Variants in RIN3 observed in about 807,000 individuals in gnomAD.
RIN3 encodes the protein Ras and Rab interactor 3, also known as RAB5 interacting protein 3.
In RIN3, 54 loss-of-function variants were observed where a neutral mutation model predicts 76.3. That is an observed-to-expected ratio of 0.71 (90% confidence interval 0.57 to 0.89). The LOEUF (loss-of-function observed/expected upper bound fraction) is 0.89, where lower values mean the gene tolerates loss of function less well. Among genes scored for constraint, RIN3 ranks in the 40% least tolerant of loss-of-function variants. The pLI, the probability that RIN3 is intolerant of heterozygous loss-of-function variation, is 0.00. For synonymous variants in RIN3, 576 were observed against 564.0 expected, an observed-to-expected ratio of 1.02 and a Z score of -0.30; for missense variants, 1,256 against 1,322.1, an observed-to-expected ratio of 0.95 and a Z score of 0.78.
At chr14:92,650,607 T>A (rs1204491764) in intron 5 of RIN3, among the ~76,000 whole-genome samples, 4 of 152,246 alleles carry the variant, frequency 2.6e-5, no homozygotes, top group Non-Finnish European at 5.9e-5. Flanking sequence ...CCTAGCAGGC[T>A]GAACAAGACC....
chr14:92,522,583 A>G lies in RIN3; in HGVS notation c.44+8607A>G, dbSNP rs900028244. Among the ~76,000 whole-genome samples the G allele has an allele frequency of 5.9e-5, 9 of 152,164 alleles. 1 individual carries two copies. In the East Asian group the frequency reaches 1.2e-3, roughly 20 times the overall value. On this transcript the variant is annotated intron_variant, in intron 1 of 9. Coordinates refer to ENST00000216487, the MANE Select transcript of RIN3 (RefSeq NM_024832.5). The stretch of plus-strand genomic sequence containing the variant: ...TCATATTATGATCATTTTAATGGTC[A>G]GAGTTATTTCATGTGTCTATCTTGA...
intron 2 of RIN3, among the ~76,000 whole-genome samples, chr14:92,576,849 A>C (rs1898255253): frequency 6.6e-6 from 1 of 152,060 alleles, no homozygotes; most frequent in Non-Finnish European, 1.5e-5. Flanking sequence ...TTATTTTTTC[A>C]GGGGAAAAAA....
intron 3 of RIN3, among the ~76,000 whole-genome samples, chr14:92,606,087 C>G (rs755599665): frequency 6.7e-5 from 10 of 149,770 alleles, no homozygotes; most frequent in Non-Finnish European, 1.2e-4. Flanking sequence ...GAGAGCATCC[C>G]TTGAGCCCTA....
chr14:92,627,285 C>T (rs1300324842), intron 4 of RIN3, among the ~76,000 whole-genome samples: 3 of 152,200 alleles, frequency 2.0e-5, no homozygotes, highest in Non-Finnish European at 4.4e-5. Flanking sequence ...AGGTTTCTTG[C>T]ACTCCTTTCC....
At chr14:92,682,814 G>A (rs1770532635) in intron 8 of RIN3, among the ~76,000 whole-genome samples, 1 of 152,180 alleles carries the variant, frequency 6.6e-6, no homozygotes, top group Admixed American at 6.5e-5. Context: ...AGTTCAATTA[G>A]GTAGAAGGGG....
intron 6 of RIN3, among the ~76,000 whole-genome samples, chr14:92,658,624 AGAT>A (rs752955651): frequency 1.4e-4 from 22 of 152,190 alleles, no homozygotes; most frequent in Admixed American, 5.2e-4. Context: ...CCTGGGCAAG[AGAT>A]GATGGTGGTA....
At chr14:92,629,380 C>G (rs1414380667) in intron 4 of RIN3, among the ~76,000 whole-genome samples, 3 of 152,244 alleles carry the variant, frequency 2.0e-5, no homozygotes, top group African/African-American at 7.2e-5. Context: ...TGAAAGTACA[C>G]TCCACAGTGT....
intron 9 of RIN3, 173 bp from the exon 10 acceptor site, chr14:92,687,753 G>T: frequency 1.7e-6 from 1 of 575,986 alleles, no homozygotes; most frequent in Non-Finnish European, 2.9e-6. Flanking sequence ...AGGCAGGGAG[G>T]GGGACGGGCC....
At chr14:92,545,789 T>A (rs1282486187) in intron 1 of RIN3, among the ~76,000 whole-genome samples, 1 of 151,992 alleles carries the variant, frequency 6.6e-6, no homozygotes, top group East Asian at 1.9e-4. Context: ...TGCAGACATT[T>A]TATCTCTTTA....
intron 4 of RIN3, among the ~76,000 whole-genome samples, chr14:92,637,888 C>A (rs1437775630): frequency 6.6e-6 from 1 of 152,184 alleles, no homozygotes; most frequent in African/African-American, 2.4e-5. Context: ...CAGAAACTTA[C>A]TACTGGCTGG....
chr14:92,667,717 C>G (rs1888159033), intron 7 of RIN3, among the ~76,000 whole-genome samples: 1 of 152,174 alleles, frequency 6.6e-6, no homozygotes, highest in Admixed American at 6.5e-5. Flanking sequence ...CCTCTCATCT[C>G]TAACTCAATA....
chr14:92,582,728 C>T (rs1311004863), intron 3 of RIN3, among the ~76,000 whole-genome samples: 1 of 152,194 alleles, frequency 6.6e-6, no homozygotes, highest in African/African-American at 2.4e-5. Context: ...GTTGGGATTA[C>T]AGGCGTGAGC....
At chr14:92,551,227 G>T (rs530236041) in intron 1 of RIN3, among the ~76,000 whole-genome samples, 10 of 152,102 alleles carry the variant, frequency 6.6e-5, no homozygotes, top group African/African-American at 2.4e-4. Context: ...TTTTGCATTT[G>T]GCTTCCTTGA....
rs1461986249 is a variant in RIN3 at position 92,561,042 on chromosome 14, A to ATATATATATATAT, written c.249+5087_249+5088insTATATATATATAT. 6.7e-3 allele frequency among the ~76,000 whole-genome samples: 130 copies of ATATATATATATAT among 19,328 alleles called. 9 individuals carry two copies. Among genetic ancestry groups the ATATATATATATAT allele is most frequent in the African/African-American group, 0.02 (120 of 5,942 alleles). 12.7% of individuals were successfully genotyped at this position (19,328 alleles called of 152,430 possible). A position where few individuals can be genotyped will look rare whatever the true frequency, so the allele number is the denominator to read the frequency against. On this transcript the variant is annotated intron_variant, in intron 2 of 9. Coordinates refer to ENST00000216487, the MANE Select transcript of RIN3 (RefSeq NM_024832.5). The stretch of plus-strand genomic sequence containing the variant: ...GTCTAAAAAAAAAAAAAAAAAAAAA[A>ATATATATATATAT]AAATATATATATATCTGCCATATAT...
At chr14:92,612,361 A>G (rs2181380) in intron 3 of RIN3, among the ~76,000 whole-genome samples, 150,244 of 152,294 alleles carry the variant, frequency 0.99, 74,134 homozygotes, top group Middle Eastern at 1. Flanking sequence ...TTTGTCTTGT[A>G]CCAATCTGCA....
chr14:92,515,179 T>G (rs963318586), intron 1 of RIN3: 2 of 689,728 alleles, frequency 2.9e-6, no homozygotes, highest in African/African-American at 1.8e-5. Flanking sequence ...AAATTCTGGA[T>G]GCTGGTTTCT....
chr14:92,651,837 C>A lies in RIN3; in HGVS notation c.788C>A (p.Pro263Gln). The A allele has an allele frequency of 6.2e-7, 1 of 1,611,996 alleles. No individual in the cohort carries two copies. Among genetic ancestry groups the A allele is most frequent in the Non-Finnish European group, 8.5e-7 (1 of 1,178,596 alleles). ...GGAAATTGCCCTGCACGCCCTTTGC[C>A]GCCCACCTCTGATGCCACCTCACCC... ...PLGNCPARPL[P>Q]PTSDATSPTS... The change falls in exon 6 of 10, where the codon CCG (proline) becomes CAG (glutamine). Residue 263 changes from proline to glutamine, a missense_variant. Coordinates refer to ENST00000216487, the MANE Select transcript of RIN3 (RefSeq NM_024832.5).
In RIN3 at chr14:92,518,789, C is replaced by CTGTGTGTGTGTGTA. The variant is rs1555379429; in HGVS notation, c.44+4826_44+4827insATGTGTGTGTGTGT. Among the ~76,000 whole-genome samples, 9 of 128,418 alleles carry CTGTGTGTGTGTGTA rather than the reference C, an allele frequency of 7.0e-5. No homozygotes were observed. In the East Asian group the frequency reaches 2.1e-3, roughly 30 times the overall value. 84.2% of individuals were successfully genotyped at this position (128,418 alleles called of 152,430 possible). On this transcript the variant is annotated intron_variant, in intron 1 of 9. Coordinates refer to ENST00000216487, the MANE Select transcript of RIN3 (RefSeq NM_024832.5). ...GAGAAACTGGGAAAATAAGGGTGGCCTGTGTGTGTGTGTGTGTGTGTGTGT... is the reference window on the plus strand; with the variant it reads ...GAGAAACTGGGAAAATAAGGGTGGCCTGTGTGTGTGTGTATGTGTGTGTGTGTGTGTGTGTGTGT...
rs189241094 is a variant in RIN3 at position 92,612,983 on chromosome 14, G to C, written c.368-2424G>C. The stretch of plus-strand genomic sequence containing the variant: ...TGTAAAGTGCCAGGGGGCACAGAAG[G>C]GGGTGTGACTGACTTCGTCTTCAAA... On this transcript the variant is annotated intron_variant, in intron 3 of 9. Transcript: ENST00000216487. 6.4e-4 allele frequency among the ~76,000 whole-genome samples: 98 copies of C among 152,334 alleles called. 1 individual carries two copies. In the East Asian group the frequency reaches 0.016, roughly 25 times the overall value.
Sources: allele counts gnomAD v4.1 joint callset (sites outside exome capture counted in the v4.1 genomes callset), GRCh38; gene constraint gnomAD v4.1.1; transcripts MANE v1.5; gene names NCBI Gene and HGNC (gene_info 2026-07-23, HGNC 2026-07-21).